The following SYNJ2 variants were observed in gnomAD, a reference collection of about 807,000 sequenced individuals.
SYNJ2 encodes the protein synaptojanin 2.
SYNJ2 carries 116 observed loss-of-function variants against 141.3 expected under a neutral mutation model. The ratio of observed to expected loss-of-function variants is 0.82; its 90% CI spans 0.71 to 0.96. The LOEUF is 0.96. Ranked by LOEUF, SYNJ2 falls within the 40% of genes least tolerant of loss-of-function variation. The pLI, the probability that SYNJ2 is intolerant of heterozygous loss-of-function variation, is 0.00. For synonymous variants in SYNJ2, 745 were observed against 777.7 expected (o/e 0.96, Z 0.70); for missense variants, 1,873 against 1,934.8 (o/e 0.97, Z 0.60).
Position 158,064,761 on chromosome 6 carries a change from G to T in SYNJ2, c.1359+11G>T. 6.2e-7 allele frequency: 1 copy of T among 1,613,142 alleles called. No individual in the cohort carries two copies. The highest frequency in any genetic ancestry group is 2.2e-5 in the East Asian group (1 of 44,846). On this transcript the variant is annotated intron_variant, in intron 10 of 26. Transcript: ENST00000355585. ...GAAGGGAAGGCCAAGGTAGGGCCCC[G>T]CCGAGGGGGCAGGGTGGGGGCCCCA... is the stretch of plus-strand genomic sequence containing the variant.
intron 1 of SYNJ2, among the ~76,000 whole-genome samples, chr6:157,993,637 A>G (rs998211878): frequency 1.3e-5 from 2 of 148,330 alleles, no homozygotes; most frequent in Non-Finnish European, 3.0e-5. Context: ...GTCTTTCCCA[A>G]TGTTTTACTG....
chr6:158,008,932 G>A (rs1048735379), intron 1 of SYNJ2, among the ~76,000 whole-genome samples: 2 of 152,206 alleles, frequency 1.3e-5, no homozygotes, highest in Admixed American at 6.5e-5. Flanking sequence ...CTTCTGTGCA[G>A]TGTGTTCCCC....
chr6:158,031,700 G>A (rs1034498109), intron 3 of SYNJ2, among the ~76,000 whole-genome samples: 3 of 152,202 alleles, frequency 2.0e-5, no homozygotes, highest in Non-Finnish European at 4.4e-5. Flanking sequence ...GTGAGCAGCA[G>A]GGTGAAGTCA....
chr6:158,071,585 G>GT lies in SYNJ2; in HGVS notation c.1941-16dup, dbSNP rs1562381872. 6.2e-7 allele frequency: 1 copy of GT among 1,611,052 alleles called. No homozygotes were observed. The highest frequency in any genetic ancestry group is 1.1e-5 in the South Asian group (1 of 90,754). On this transcript the variant is annotated splice_polypyrimidine_tract_variant and intron_variant, in intron 14 of 26. Transcript: ENST00000355585. The surrounding 1 kb of genome is among the most constrained non-coding windows in gnomAD (Gnocchi z 4.3). The stretch of plus-strand genomic sequence containing the variant: ...TCCTTCAGGAGCCGACGGCATGCGC[G>GT]TATCCTTCTGTTCCAGGGACGTAGC...
At chr6:158,013,214 C>G (rs1436338585) in intron 1 of SYNJ2, among the ~76,000 whole-genome samples, 1 of 152,122 alleles carries the variant, frequency 6.6e-6, no homozygotes, top group Non-Finnish European at 1.5e-5. Context: ...AATGCCGTCC[C>G]TACTAAAACT....
intron 22 of SYNJ2, among the ~76,000 whole-genome samples, chr6:158,086,365 A>G (rs1285106738): frequency 6.6e-6 from 1 of 152,142 alleles, no homozygotes; most frequent in Non-Finnish European, 1.5e-5. Flanking sequence ...CCATGGGCCC[A>G]CAGGGTTTGG....
intron 4 of SYNJ2, among the ~76,000 whole-genome samples, chr6:158,037,395 C>CTTTTT (rs869141011): frequency 4.6e-5 from 5 of 109,084 alleles, no homozygotes; most frequent in African/African-American, 1.2e-4. Context: ...TTGTCCTCAT[C>CTTTTT]TTTTTTTTTT....
chr6:158,095,912 C>A lies in SYNJ2; in HGVS notation c.4039C>A (p.Gln1347Lys), dbSNP rs1212500789. Residue 1347 changes from glutamine to lysine, a missense_variant, in exon 27 of 27, where the codon CAG becomes AAG. Physicochemically the swap from Gln to Lys is moderately conservative, Grantham distance 53 (BLOSUM62 1). Transcript: ENST00000355585. The stretch of plus-strand genomic sequence containing the variant: ...GTCAGCCCCCGCAGCCTTCCACCTG[C>A]AGGTCCTGCAGAGCAACAGCCAGCT... ...KKSAPAAFHLQVLQSNSQLLQ... is the reference protein window; with the variant it reads ...KKSAPAAFHLKVLQSNSQLLQ... 3 of 1,614,126 alleles carry A rather than the reference C, an allele frequency of 1.9e-6. No individual in the cohort carries two copies. The highest frequency in any genetic ancestry group is 1.3e-5 in the African/African-American group (1 of 75,060).
rs116432657 is a variant in SYNJ2, at chr6:158,090,643, C to T, written c.3565+696C>T. Among the ~76,000 whole-genome samples, 620 of 145,536 alleles carry T rather than the reference C, an allele frequency of 4.3e-3. 5 individuals are homozygous for T. The highest frequency in any genetic ancestry group is 0.014 in the African/African-American group (575 of 39,994). ...CACTGCAACCTCCGCCTCCCAGGTT[C>T]GAGCAAATATCCTGCCTCAGCCACC... On this transcript the variant is annotated intron_variant, in intron 25 of 26. Coordinates refer to ENST00000355585, the MANE Select transcript of SYNJ2 (RefSeq NM_003898.4).
At chr6:158,048,250 G>C (rs949926572) in intron 5 of SYNJ2, among the ~76,000 whole-genome samples, 1 of 152,188 alleles carries the variant, frequency 6.6e-6, no homozygotes. Context: ...AGGGTGTGGG[G>C]TGGGCTGCCC....
intron 2 of SYNJ2, among the ~76,000 whole-genome samples, chr6:158,018,335 ATCTCTTGTGACT>A (rs1241212781): frequency 6.6e-6 from 1 of 152,112 alleles, no homozygotes; most frequent in African/African-American, 2.4e-5. Context: ...GGCTGTGGAC[ATCTCTTGTGACT>A]TCTGGGGCCG....
At position 158,043,478 on chromosome 6, in the gene SYNJ2, C is replaced by A. The variant is rs190636841; in HGVS notation, c.795+79C>A. On this transcript the variant is annotated intron_variant, in intron 5 of 26. Transcript: ENST00000355585. This position sits in a 1 kb window ranked among gnomAD's most constrained non-coding sequence, Gnocchi z 4.0. ...TCCCTTCAATAGCTGGGGAAGATTT[C>A]TTTTAACACGTTCGTTTCATGGCAT... The A allele has an allele frequency of 9.0e-5, 93 of 1,034,422 alleles. No homozygotes were observed. The African/African-American group carries it at 1.2e-3, about 13-fold the overall frequency. The allele number at this position is 1,034,422 out of a possible 1,614,324, so 64.1% of individuals were successfully genotyped here.
intron 5 of SYNJ2, among the ~76,000 whole-genome samples, chr6:158,044,497 C>T (rs1467769320): frequency 1.3e-5 from 2 of 152,154 alleles, no homozygotes; most frequent in East Asian, 1.9e-4. Flanking sequence ...CTAGAAAGAG[C>T]GCACCACACT....
intron 6 of SYNJ2, among the ~76,000 whole-genome samples, chr6:158,057,887 C>T (rs1280766569): frequency 6.6e-6 from 1 of 152,236 alleles, no homozygotes; most frequent in East Asian, 1.9e-4. Context: ...ACAGCCCGCC[C>T]CAGGGCTGCC....
chr6:158,028,389 G>C (rs1023791032), intron 2 of SYNJ2: 5 of 250,740 alleles, frequency 2.0e-5, no homozygotes, highest in Non-Finnish European at 3.1e-5. Flanking sequence ...GGTCCTGGGG[G>C]TCTGGAAGGG....
intron 1 of SYNJ2, 81 bp from the exon 2 acceptor site, chr6:158,017,123 A>G (rs1239054503): frequency 6.5e-7 from 1 of 1,536,974 alleles, no homozygotes; most frequent in Non-Finnish European, 8.8e-7. Context: ...GTGGGAAGCC[A>G]GCTTGGCAAG....
At position 158,071,600 on chromosome 6, in the gene SYNJ2, A is replaced by G. The variant is rs943051928; in HGVS notation, c.1941-2A>G. The G allele has an allele frequency of 1.2e-6, 2 of 1,613,390 alleles. No individual in the cohort carries two copies. Among genetic ancestry groups the G allele is most frequent in the Middle Eastern group, 1.7e-4 (1 of 6,052 alleles). ...CGGCATGCGCGTATCCTTCTGTTCC[A>G]GGGACGTAGCCATCGACACAGTGAA... On this transcript the variant is annotated splice_acceptor_variant, in intron 14 of 26. Coordinates refer to ENST00000355585, the MANE Select transcript of SYNJ2 (RefSeq NM_003898.4). LOFTEE classifies it high-confidence loss of function. The surrounding 1 kb of genome is among the most constrained non-coding windows in gnomAD (Gnocchi z 4.3).
At chr6:158,076,899 C>G in intron 17 of SYNJ2, 117 bp downstream of exon 17, 1 of 1,283,710 alleles carries the variant, frequency 7.8e-7, no homozygotes. Context: ...CTTCATAACC[C>G]CAGATGACAC....
At chr6:158,078,509 A>G in intron 18 of SYNJ2, 1 of 326,286 alleles carries the variant, frequency 3.1e-6, no homozygotes, top group Non-Finnish European at 5.6e-6. Flanking sequence ...ATCATAAATG[A>G]CATCATTGAT....
Sources: gnomAD v4.1 joint callset for allele counts (sites outside exome capture counted in the v4.1 genomes callset) on GRCh38, gnomAD v4.1.1 for gene constraint, Gnocchi (gnomAD v3.1) non-coding constraint, MANE v1.5 for transcripts, NCBI Gene and HGNC (gene_info 2026-07-23, HGNC 2026-07-21) for gene names.